PDCD4: variants seen among roughly 807,000 people sequenced by gnomAD.
PDCD4 encodes the protein programmed cell death 4, also known as programmed cell death protein 4.
In PDCD4, 56 loss-of-function variants were observed where a neutral mutation model predicts 54.0. The ratio of observed to expected loss-of-function variants is 1.04; its 90% CI spans 0.84 to 1.30. The LOEUF (loss-of-function observed/expected upper bound fraction) is 1.30. Among genes scored for constraint, PDCD4 ranks in the 50% most tolerant of loss-of-function variants. PDCD4 has a pLI of 0.00. For synonymous variants in PDCD4, 186 were observed against 194.8 expected, an observed-to-expected ratio of 0.95 and a Z score of 0.37; for missense variants, 584 against 559.8, an observed-to-expected ratio of 1.04 and a Z score of -0.44.
intron 11 of PDCD4, 47 bp downstream of exon 11, chr10:110,896,134 A>G (rs1845828841): frequency 1.4e-6 from 2 of 1,420,008 alleles, no homozygotes; most frequent in African/African-American, 2.9e-5. Flanking sequence ...AGTGGATGAG[A>G]TCTTTGGGAA....
At chr10:110,888,138 ATT>A (rs571497013) in intron 6 of PDCD4, among the ~76,000 whole-genome samples, 1 of 141,752 alleles carries the variant, frequency 7.1e-6, no homozygotes, top group African/African-American at 2.6e-5. Flanking sequence ...TTTTTAGGTA[ATT>A]TTTTTTTTTT....
At chr10:110,881,197 A>G (rs766390929) in intron 2 of PDCD4, 36 bp from the exon 3 acceptor site, 2 of 1,508,086 alleles carry the variant, frequency 1.3e-6, no homozygotes, top group African/African-American at 2.8e-5. Flanking sequence ...GATACTTAAA[A>G]TACTTAGAAT....
chr10:110,894,242 T>G, intron 9 of PDCD4, 44 bp downstream of exon 9: 1 of 1,126,914 alleles, frequency 8.9e-7, no homozygotes, highest in South Asian at 1.2e-5. Flanking sequence ...TAAGTGTTCC[T>G]TTTTGTACTG....
rs3793705 is a variant in PDCD4 at position 110,889,997 on chromosome 10, C to G, written c.875+367C>G. ...AGATGGATAACCTTAAGAAGAGAGGCCTGATTTATAGTTTTATTTTGTATT... is the reference window on the plus strand; with the variant it reads ...AGATGGATAACCTTAAGAAGAGAGGGCTGATTTATAGTTTTATTTTGTATT... On this transcript the variant is annotated intron_variant, in intron 7 of 11. Transcript: ENST00000280154. Among the ~76,000 whole-genome samples the G allele has an allele frequency of 2.0e-4, 31 of 152,212 alleles. No individual in the cohort carries two copies. The East Asian group carries it at 6.0e-3, about 29-fold the overall frequency.
At chr10:110,875,941 T>G (rs989415847) in intron 1 of PDCD4, 25 bp from the exon 2 acceptor site, 10 of 1,079,546 alleles carry the variant, frequency 9.3e-6, no homozygotes, top group Middle Eastern at 2.1e-4. Context: ...TCTTGAAGCT[T>G]TCTTTTTTTC....
intron 3 of PDCD4, among the ~76,000 whole-genome samples, chr10:110,882,699 T>C (rs1845609854): frequency 6.6e-6 from 1 of 152,208 alleles, no homozygotes; most frequent in Non-Finnish European, 1.5e-5. Context: ...AGAGCTCAGC[T>C]GCAATATCAT....
At position 110,898,397 on chromosome 10, in the gene PDCD4, T is replaced by TG. The variant is rs1306720036; in HGVS notation, c.*310dup. ...TCCAAGTTTTGCATTGATGTCTGAC[T>TG]GCCACTCCTTTCTTTCAAGGACAGT... On this transcript the variant is annotated 3_prime_UTR_variant, in exon 12 of 12. Transcript: ENST00000280154. 1.4e-5 allele frequency: 3 copies of TG among 209,332 alleles called. No individual in the cohort carries two copies. The highest frequency in any genetic ancestry group is 6.9e-5 in the African/African-American group (3 of 43,656). 13.0% of individuals were successfully genotyped at this position (209,332 alleles called of 1,614,324 possible). A position where few individuals can be genotyped will look rare whatever the true frequency, so the allele number is the denominator to read the frequency against.
chr10:110,897,253 C>A (rs1845852568), intron 11 of PDCD4, among the ~76,000 whole-genome samples: 1 of 152,232 alleles, frequency 6.6e-6, no homozygotes, highest in African/African-American at 2.4e-5. Context: ...AGGCAATAAA[C>A]TTTCTGTGTA....
intron 4 of PDCD4, among the ~76,000 whole-genome samples, chr10:110,884,326 G>A (rs560194116): frequency 2.3e-4 from 35 of 152,252 alleles, no homozygotes; most frequent in African/African-American, 7.7e-4. Context: ...ATCCTCGGAC[G>A]GGGCTTGGAA....
At chr10:110,884,996 A>G (rs1472503694) in intron 4 of PDCD4, 4 of 270,300 alleles carry the variant, frequency 1.5e-5, no homozygotes, top group East Asian at 6.8e-5. Context: ...GGGTCTTGCT[A>G]TGTTTCCCAG....
At chr10:110,879,476 C>G (rs954311039) in intron 2 of PDCD4, among the ~76,000 whole-genome samples, 1 of 152,022 alleles carries the variant, frequency 6.6e-6, no homozygotes, top group African/African-American at 2.4e-5. Context: ...ACCATCCTGG[C>G]TAACACGGTG....
rs747327011 is a variant in PDCD4 at position 110,881,481 on chromosome 10, A to G, written c.292A>G (p.Arg98Gly). The G allele has an allele frequency of 5.6e-6, 9 of 1,613,992 alleles. No individual in the cohort carries two copies. Among genetic ancestry groups the G allele is most frequent in the Non-Finnish European group, 6.8e-6 (8 of 1,179,962 alleles). Reference sequence around the variant, plus strand: ...AACTGTGCCAACCAGTCCAAAGGGAAGGTTGCTGGATAGGCGATCCAGATC... The same window carrying G: ...AACTGTGCCAACCAGTCCAAAGGGAGGGTTGCTGGATAGGCGATCCAGATC... ...GLTVPTSPKG[R>G]LLDRRSRSGK... Residue 98 changes from arginine to glycine, a missense_variant, in exon 3 of 12, where the codon AGG (arginine) becomes GGG (glycine). Physicochemically the swap from Arg to Gly is moderately radical, Grantham distance 125 (BLOSUM62 -2). Coordinates refer to ENST00000280154, the MANE Select transcript of PDCD4 (RefSeq NM_014456.5).
At chr10:110,880,690 A>C (rs1845577057) in intron 2 of PDCD4, among the ~76,000 whole-genome samples, 2 of 152,206 alleles carry the variant, frequency 1.3e-5, no homozygotes, top group Non-Finnish European at 2.9e-5. Flanking sequence ...ACGTTTGGCA[A>C]ATCATTTAAA....
chr10:110,889,773 A>G, intron 7 of PDCD4, 143 bp downstream of exon 7: 2 of 616,842 alleles, frequency 3.2e-6, no homozygotes, highest in South Asian at 4.0e-5. Context: ...AAATGGAGAG[A>G]CTATTGGCAT....
chr10:110,883,012 G>A lies in PDCD4; in HGVS notation c.356G>A (p.Gly119Glu). Residue 119 changes from glycine (G) to glutamate (E), a missense_variant, in exon 4 of 12, where the codon GGA becomes GAA. By Grantham distance (98) the Gly-to-Glu change is moderately conservative. Transcript: ENST00000280154. Reference sequence around the variant, plus strand: ...TGCTAAACTTTTTCAGGTGGTGCAGGAGGCAAAGGTGTCTGGGGTACACCT... The same window carrying A: ...TGCTAAACTTTTTCAGGTGGTGCAGAAGGCAAAGGTGTCTGGGGTACACCT... ...GRGLPKKGGA[G>E]GKGVWGTPGQ... 7 of 1,595,642 alleles carry A rather than the reference G, an allele frequency of 4.4e-6. No individual in the cohort carries two copies. The highest frequency in any genetic ancestry group is 5.1e-6 in the Non-Finnish European group (6 of 1,170,214).
At chr10:110,892,163 C>T (rs1188617931) in intron 8 of PDCD4, among the ~76,000 whole-genome samples, 1 of 152,070 alleles carries the variant, frequency 6.6e-6, no homozygotes, top group Non-Finnish European at 1.5e-5. Flanking sequence ...AAATGCAAGT[C>T]TTGTACACTG....
intron 2 of PDCD4, among the ~76,000 whole-genome samples, chr10:110,877,794 T>C (rs960689241): frequency 5.3e-5 from 8 of 152,220 alleles, no homozygotes; most frequent in African/African-American, 1.9e-4. Context: ...ACTCTTTTAC[T>C]TGGAGGAAGT....
At chr10:110,887,518 TAAA>T in intron 5 of PDCD4, 144 bp from the exon 6 acceptor site, 1 of 599,904 alleles carries the variant, frequency 1.7e-6, no homozygotes, top group Non-Finnish European at 2.9e-6. Context: ...TCCTATCTTC[TAAA>T]ACATGACTGG....
chr10:110,891,710 A>T (rs1845760358), intron 8 of PDCD4, among the ~76,000 whole-genome samples: 1 of 152,034 alleles, frequency 6.6e-6, no homozygotes. Context: ...AAGGAGTTCA[A>T]ATTGTAGTTA....
Sources: gnomAD v4.1 joint callset for allele counts (sites outside exome capture counted in the v4.1 genomes callset) on GRCh38, gnomAD v4.1.1 for gene constraint, MANE v1.5 for transcripts, NCBI Gene and HGNC (gene_info 2026-07-23, HGNC 2026-07-21) for gene names.